RGS7: variants seen among roughly 807,000 people sequenced by gnomAD.
RGS7 encodes regulator of G protein signaling 7.
In RGS7, 27 loss-of-function variants were observed where a neutral mutation model predicts 81.1. The ratio of observed to expected loss-of-function variants is 0.33; its 90% confidence interval spans 0.25 to 0.46. RGS7 has a LOEUF of 0.46. RGS7 is among the 20% of genes least tolerant of loss of function. The pLI is 1.00. For missense variants in RGS7, 396 were observed against 607.4 expected (o/e 0.65, Z 3.66); for synonymous variants, 208 against 207.7 (o/e 1.00, Z -0.01).
chr1:241,337,221 C>T (rs2082290877), intron 2 of RGS7, among the ~76,000 whole-genome samples: 1 of 152,140 alleles, frequency 6.6e-6, no homozygotes, highest in African/African-American at 2.4e-5. Flanking sequence ...CTCTTTTCCA[C>T]CATTCTGTAC....
At chr1:241,148,005 T>C (rs2068470318) in intron 2 of RGS7, among the ~76,000 whole-genome samples, 1 of 149,090 alleles carries the variant, frequency 6.7e-6, no homozygotes, top group Non-Finnish European at 1.5e-5. Context: ...CAGGATAGCT[T>C]TGCCTTGACT....
chr1:241,208,995 G>A (rs893069544), intron 2 of RGS7, among the ~76,000 whole-genome samples: 9 of 152,180 alleles, frequency 5.9e-5, no homozygotes, highest in Non-Finnish European at 1.0e-4. Flanking sequence ...CAAGGACTGC[G>A]CCTGCATCTG....
At chr1:240,849,859 T>C (rs969139566) in intron 9 of RGS7, among the ~76,000 whole-genome samples, 44 of 152,234 alleles carry the variant, frequency 2.9e-4, no homozygotes, top group East Asian at 1.9e-4. Flanking sequence ...GTTTCATGTA[T>C]TCCTTTATAG....
chr1:240,806,359 G>A (rs1471288928), intron 14 of RGS7, 33 bp from the exon 15 acceptor site: 2 of 1,600,652 alleles, frequency 1.2e-6, no homozygotes, highest in Non-Finnish European at 1.7e-6. Flanking sequence ...TGTTTACTCT[G>A]ATGGCCCATC....
intron 2 of RGS7, among the ~76,000 whole-genome samples, chr1:241,260,975 T>C (rs540923403): frequency 1.1e-3 from 162 of 150,886 alleles, no homozygotes; most frequent in African/African-American, 3.8e-3. Context: ...TAATGCTAGA[T>C]GACGAGTTAG....
intron 2 of RGS7, among the ~76,000 whole-genome samples, chr1:241,312,789 A>G (rs970233541): frequency 1.7e-4 from 26 of 152,218 alleles, no homozygotes; most frequent in African/African-American, 6.0e-4. Context: ...ACTTGGAATC[A>G]AAAGCCAGAA....
At chr1:240,941,475 A>C (rs961372945) in intron 4 of RGS7, among the ~76,000 whole-genome samples, 10 of 152,286 alleles carry the variant, frequency 6.6e-5, no homozygotes, top group Middle Eastern at 3.4e-3. Flanking sequence ...TAGCAAGTGA[A>C]TCAATATTTG....
At chr1:240,930,684 G>C (rs1311371440) in intron 6 of RGS7, 33 bp downstream of exon 6, 1 of 1,598,224 alleles carries the variant, frequency 6.3e-7, no homozygotes, top group South Asian at 1.1e-5. Context: ...CATACAGGCT[G>C]TCAATAATAA....
chr1:240,881,233 G>A (rs540953445), intron 6 of RGS7, among the ~76,000 whole-genome samples: 1 of 151,702 alleles, frequency 6.6e-6, no homozygotes, highest in Non-Finnish European at 1.5e-5. Context: ...ATCATTCTGA[G>A]CAAACTATCG....
At chr1:240,785,072 C>G (rs924702428) in intron 18 of RGS7, among the ~76,000 whole-genome samples, 1 of 152,142 alleles carries the variant, frequency 6.6e-6, no homozygotes, top group African/African-American at 2.4e-5. Context: ...CAGGGATAGG[C>G]AGTGCTCTTA....
intron 3 of RGS7, among the ~76,000 whole-genome samples, chr1:241,073,626 G>T (rs1572559894): frequency 6.6e-6 from 1 of 152,254 alleles, no homozygotes; most frequent in Non-Finnish European, 1.5e-5. Flanking sequence ...GGGTGAATCT[G>T]CAAAATTTCA....
intron 2 of RGS7, among the ~76,000 whole-genome samples, chr1:241,180,785 G>A (rs1437213166): frequency 1.3e-5 from 2 of 152,354 alleles, no homozygotes; most frequent in Non-Finnish European, 2.9e-5. Flanking sequence ...GGATAGGACA[G>A]CAGCGCACGG....
At chr1:241,048,044 T>TACAATTCTTAATTGCCTGTCA (rs879421693) in intron 3 of RGS7, among the ~76,000 whole-genome samples, 60 of 152,134 alleles carry the variant, frequency 3.9e-4, no homozygotes, top group Non-Finnish European at 7.6e-4. Context: ...CTGGCCTGTT[T>TACAATTCTTAATTGCCTGTCA]ACAATTCTTA....
At chr1:241,121,579 G>A (rs1454409154) in intron 2 of RGS7, among the ~76,000 whole-genome samples, 1 of 152,078 alleles carries the variant, frequency 6.6e-6, no homozygotes, top group African/African-American at 2.4e-5. Flanking sequence ...GGATGACAGA[G>A]AGGGTTGTTT....
At chr1:241,234,801 ATAG>A (rs1196132273) in intron 2 of RGS7, among the ~76,000 whole-genome samples, 2 of 152,112 alleles carry the variant, frequency 1.3e-5, no homozygotes, top group African/African-American at 4.8e-5. Context: ...TGCCAAACAC[ATAG>A]TAGTTACTTA....
rs574343293 is a variant in RGS7, at chr1:241,305,269, A to G, written c.78+50430T>C. Among the ~76,000 whole-genome samples the G allele has an allele frequency of 1.2e-4, 19 of 152,358 alleles. No individual in the cohort carries two copies. The East Asian group carries it at 3.3e-3, about 26-fold the overall frequency. On this transcript the variant is annotated intron_variant, in intron 2 of 18. Coordinates refer to ENST00000440928, the MANE Select transcript of RGS7 (RefSeq NM_001364886.1). ...AGAAAACAAGTCGATGGAGAAACAC[A>G]TTCAGAAAAACACAAATTCTGAACT...
At chr1:241,343,064 C>T (rs2082663884) in intron 2 of RGS7, among the ~76,000 whole-genome samples, 2 of 152,014 alleles carry the variant, frequency 1.3e-5, no homozygotes, top group Admixed American at 1.3e-4. Flanking sequence ...AGATCGAGAC[C>T]ATCCTGGCTA....
rs1307484755 is a variant in RGS7 at position 240,783,686 on chromosome 1, TTG to T, written c.*7-7475_*7-7474del. On this transcript the variant is annotated intron_variant, in intron 18 of 18. Coordinates refer to ENST00000440928, the MANE Select transcript of RGS7 (RefSeq NM_001364886.1). ...TTGGTCTTAAAGTAATAACAGAAAGTTGATGGTAAGGAGCCCTGAGTCAGTAG... is the reference window on the plus strand; with the variant it reads ...TTGGTCTTAAAGTAATAACAGAAAGTATGGTAAGGAGCCCTGAGTCAGTAG... Among the ~76,000 whole-genome samples the T allele has an allele frequency of 2.7e-5, 4 of 150,556 alleles. No individual in the cohort carries two copies. In the East Asian group the frequency reaches 7.8e-4, roughly 29 times the overall value.
At chr1:240,873,310 T>C in intron 6 of RGS7, among the ~76,000 whole-genome samples, 1 of 152,304 alleles carries the variant, frequency 6.6e-6, no homozygotes, top group Middle Eastern at 3.4e-3. Context: ...CTATTTAAAA[T>C]ATTTTCTATT....
Sources: gnomAD v4.1 joint callset for allele counts (sites outside exome capture counted in the v4.1 genomes callset) on GRCh38, gnomAD v4.1.1 for gene constraint, MANE v1.5 for transcripts, NCBI Gene and HGNC (gene_info 2026-07-23, HGNC 2026-07-21) for gene names.